PTPRM: variants seen among roughly 807,000 people sequenced by gnomAD.
PTPRM encodes receptor-type tyrosine-protein phosphatase mu.
PTPRM carries 47 observed loss-of-function variants against 186.7 expected under a neutral mutation model. The ratio of observed to expected loss-of-function variants is 0.25; its 90% CI spans 0.20 to 0.32. The LOEUF (loss-of-function observed/expected upper bound fraction) is 0.32. Ranked by LOEUF, PTPRM falls within the 10% of genes least tolerant of loss-of-function variation. PTPRM has a pLI of 1.00. For missense variants in PTPRM, 1,494 were observed against 1,865.0 expected, an observed-to-expected ratio of 0.80 and a Z score of 3.66; for synonymous variants, 668 against 674.9, an observed-to-expected ratio of 0.99 and a Z score of 0.16.
chr18:8,051,913 A>T (rs1007728126), intron 7 of PTPRM, among the ~76,000 whole-genome samples: 1 of 152,198 alleles, frequency 6.6e-6, no homozygotes, highest in East Asian at 1.9e-4. Context: ...ACATGATACA[A>T]TCCATATCTT....
At chr18:8,343,026 C>A (rs1157484915) in intron 22 of PTPRM, among the ~76,000 whole-genome samples, 1 of 152,150 alleles carries the variant, frequency 6.6e-6, no homozygotes, top group Non-Finnish European at 1.5e-5. Flanking sequence ...AGGCTCATTT[C>A]ATTCTATATA....
intron 10 of PTPRM, among the ~76,000 whole-genome samples, chr18:8,086,940 T>C (rs891910423): frequency 3.3e-5 from 5 of 151,848 alleles, no homozygotes; most frequent in African/African-American, 1.2e-4. Flanking sequence ...GTATGGAGAG[T>C]TGAGAAAGAG....
At chr18:7,582,052 T>C (rs2036860735) in intron 1 of PTPRM, among the ~76,000 whole-genome samples, 1 of 152,198 alleles carries the variant, frequency 6.6e-6, no homozygotes, top group Non-Finnish European at 1.5e-5. Flanking sequence ...AAATAAAGTT[T>C]TATGTGAACA....
chr18:7,986,639 G>A (rs1226946595), intron 7 of PTPRM, among the ~76,000 whole-genome samples: 2 of 152,146 alleles, frequency 1.3e-5, no homozygotes, highest in Non-Finnish European at 2.9e-5. Context: ...TGCAAGTGCA[G>A]GGCAAAATTG....
intron 23 of PTPRM, among the ~76,000 whole-genome samples, chr18:8,353,033 C>T (rs2095544489): frequency 6.6e-6 from 1 of 152,120 alleles, no homozygotes; most frequent in East Asian, 1.9e-4. Flanking sequence ...ATCCAGCCTA[C>T]CATTGATGGA....
intron 14 of PTPRM, among the ~76,000 whole-genome samples, chr18:8,184,458 G>C (rs937307981): frequency 3.3e-5 from 5 of 152,292 alleles, no homozygotes; most frequent in South Asian, 2.1e-4. Flanking sequence ...CTTCAGAGGA[G>C]ACGAGTGAGA....
At chr18:8,172,738 C>T (rs1203427242) in intron 14 of PTPRM, among the ~76,000 whole-genome samples, 3 of 151,938 alleles carry the variant, frequency 2.0e-5, no homozygotes, top group African/African-American at 7.3e-5. Context: ...TTAACCTCAG[C>T]CCATTTGAAG....
chr18:8,085,662 C>A lies in PTPRM; in HGVS notation c.1552-9C>A, dbSNP rs1568316152. On this transcript the variant is annotated splice_polypyrimidine_tract_variant and intron_variant, in intron 9 of 32. Transcript: ENST00000580170. Reference sequence around the variant, plus strand: ...CCAGATATTTTATCACTTTCTCATTCTTTTGCAGATCACCTACAAAGCAGT... The same window carrying A: ...CCAGATATTTTATCACTTTCTCATTATTTTGCAGATCACCTACAAAGCAGT... 6.3e-7 allele frequency: 1 copy of A among 1,579,548 alleles called. No individual in the cohort carries two copies. Among genetic ancestry groups the A allele is most frequent in the Admixed American group, 1.7e-5 (1 of 59,872 alleles).
intron 7 of PTPRM, among the ~76,000 whole-genome samples, chr18:8,068,783 A>G (rs559921772): frequency 1.5e-4 from 23 of 152,316 alleles, no homozygotes; most frequent in Admixed American, 1.4e-3. Context: ...TTTAAAGATA[A>G]AACACATGTA....
At chr18:8,113,337 A>T in intron 11 of PTPRM, 149 bp from the exon 12 acceptor site, 1 of 669,810 alleles carries the variant, frequency 1.5e-6, no homozygotes, top group East Asian at 2.6e-5. Context: ...CAAGTGCTGC[A>T]TGAGAGTCTG....
chr18:7,932,325 TAA>T (rs1444059662), intron 5 of PTPRM, among the ~76,000 whole-genome samples: 1 of 152,190 alleles, frequency 6.6e-6, no homozygotes, highest in Admixed American at 6.5e-5. Context: ...TCTTACTTTT[TAA>T]AATTACACAA....
chr18:7,635,123 T>G (rs2038282352), intron 1 of PTPRM, among the ~76,000 whole-genome samples: 1 of 152,184 alleles, frequency 6.6e-6, no homozygotes, highest in Non-Finnish European at 1.5e-5. Context: ...ACTTAAAATT[T>G]GCATTGTGCC....
At chr18:7,908,204 G>A (rs1226275347) in intron 4 of PTPRM, among the ~76,000 whole-genome samples, 2 of 152,100 alleles carry the variant, frequency 1.3e-5, no homozygotes, top group African/African-American at 4.8e-5. Context: ...GTGCATGGTA[G>A]CTTTATTTTC....
At chr18:7,971,960 G>T (rs2054552429) in intron 7 of PTPRM, among the ~76,000 whole-genome samples, 1 of 31,944 alleles carries the variant, frequency 3.1e-5, no homozygotes. Context: ...CCCATTACTG[G>T]GTATATACCC....
At chr18:8,220,283 A>T (rs529778520) in intron 14 of PTPRM, among the ~76,000 whole-genome samples, 7 of 152,314 alleles carry the variant, frequency 4.6e-5, no homozygotes, top group African/African-American at 1.7e-4. Context: ...AGTGCTTCTG[A>T]ATTTATGTCC....
chr18:7,633,726 A>C (rs934359046), intron 1 of PTPRM, among the ~76,000 whole-genome samples: 6 of 152,184 alleles, frequency 3.9e-5, no homozygotes, highest in African/African-American at 1.4e-4. Flanking sequence ...CATCGCAGGA[A>C]AGGACAGCAT....
intron 1 of PTPRM, among the ~76,000 whole-genome samples, chr18:7,702,614 T>C (rs970177398): frequency 2.0e-5 from 3 of 152,370 alleles, no homozygotes; most frequent in Admixed American, 2.0e-4. Flanking sequence ...GATGGATAGA[T>C]TGCAAAAATT....
intron 2 of PTPRM, among the ~76,000 whole-genome samples, chr18:7,830,641 T>C (rs909496711): frequency 6.6e-6 from 1 of 152,120 alleles, no homozygotes; most frequent in Non-Finnish European, 1.5e-5. Flanking sequence ...ATGAGACATA[T>C]GTCATAGTTG....
chr18:8,137,693 C>T (rs1246532842), intron 13 of PTPRM, among the ~76,000 whole-genome samples: 1 of 152,200 alleles, frequency 6.6e-6, no homozygotes, highest in Non-Finnish European at 1.5e-5. Flanking sequence ...CACCCCCAGC[C>T]CCTGCTCCAG....
Sources: gnomAD v4.1 joint callset for allele counts (sites outside exome capture counted in the v4.1 genomes callset) on GRCh38, gnomAD v4.1.1 for gene constraint, MANE v1.5 for transcripts, NCBI Gene and HGNC (gene_info 2026-07-23, HGNC 2026-07-21) for gene names.